Variants in LZTS1 observed in about 807,000 individuals in gnomAD.
LZTS1 encodes the protein leucine zipper tumor suppressor 1, also known as leucine zipper putative tumor suppressor 1.
LZTS1 carries 31 observed loss-of-function variants against 45.8 expected under a neutral mutation model. That is an observed-to-expected ratio of 0.68 (90% CI 0.51 to 0.91). LZTS1 has a LOEUF of 0.91. Ranked by LOEUF, LZTS1 falls within the 40% of genes least tolerant of loss-of-function variation. The probability of loss-of-function intolerance (pLI) is 0.00; values close to 1 mark genes in which losing one functional copy is unlikely to be tolerated. For synonymous variants in LZTS1, 359 were observed against 357.3 expected, an observed-to-expected ratio of 1.00 and a Z score of -0.05; for missense variants, 821 against 788.9, an observed-to-expected ratio of 1.04 and a Z score of -0.49.
intron 1 of LZTS1, among the ~76,000 whole-genome samples, chr8:20,271,413 C>T (rs563211811): frequency 1.3e-5 from 2 of 152,268 alleles, no homozygotes; most frequent in East Asian, 3.9e-4. Flanking sequence ...AGTGTTGACC[C>T]CCAGCTGCCA....
rs995766310 is a variant in LZTS1 at position 20,252,723 on chromosome 8, G to A, written c.1149+59C>T. On this transcript the variant is annotated intron_variant, in intron 3 of 3. Transcript: ENST00000381569. ...GCTATTGGCCGGCACCAGAAGGAGAGGGGGGTACTGGCGCCAAACCGCTGA... is the reference window on the plus strand; with the variant it reads ...GCTATTGGCCGGCACCAGAAGGAGAAGGGGGTACTGGCGCCAAACCGCTGA... The A allele has an allele frequency of 3.4e-5, 48 of 1,420,070 alleles. 1 individual carries two copies. In the South Asian group the frequency reaches 6.4e-4, roughly 19 times the overall value. The allele number at this position is 1,420,070 out of a possible 1,614,324, so 88.0% of individuals were successfully genotyped here. A position where few individuals can be genotyped will look rare whatever the true frequency, so the allele number is the denominator to read the frequency against.
intron 1 of LZTS1, among the ~76,000 whole-genome samples, chr8:20,284,660 G>A (rs1474473070): frequency 1.3e-5 from 2 of 151,936 alleles, no homozygotes; most frequent in East Asian, 1.9e-4. Flanking sequence ...TGTGGTTCTC[G>A]CCTCTGCATT....
Position 20,270,833 on chromosome 8 carries a change from T to G in LZTS1, c.-134-15518A>C, listed in dbSNP as rs200881192. Reference sequence around the variant, plus strand: ...TGTGTGTGTGTGTGTGTGTGTGTGTTTGTGTGTGTGGAGAGGGAAGGGGTG... The same window carrying G: ...TGTGTGTGTGTGTGTGTGTGTGTGTGTGTGTGTGTGGAGAGGGAAGGGGTG... On this transcript the variant is annotated intron_variant, in intron 1 of 3. Transcript: ENST00000381569. Among the ~76,000 whole-genome samples the G allele has an allele frequency of 3.8e-3, 455 of 119,128 alleles. 4 individuals are homozygous for G. The highest frequency in any genetic ancestry group is 9.5e-3 in the South Asian group (34 of 3,578). 78.2% of individuals were successfully genotyped at this position (119,128 alleles called of 152,430 possible).
intron 1 of LZTS1, among the ~76,000 whole-genome samples, chr8:20,256,060 C>CAAAAAAAAAAAAAAAAAAAAAAA (rs386412254): frequency 1.8e-5 from 1 of 56,456 alleles, no homozygotes; most frequent in Non-Finnish European, 3.2e-5. Context: ...GGGCCTGACT[C>CAAAAAAAAAAAAAAAAAAAAAAA]AAAAAAAAAA....
chr8:20,268,573 A>T (rs1003184322), intron 1 of LZTS1, among the ~76,000 whole-genome samples: 2 of 151,978 alleles, frequency 1.3e-5, no homozygotes, highest in Non-Finnish European at 2.9e-5. Flanking sequence ...TGAGCTAGTT[A>T]ATCATCTCAG....
At position 20,246,793 on chromosome 8, in the gene LZTS1, C is replaced by T. The variant is rs569678100; in HGVS notation, c.*2929G>A. ...AGGTGATGCGGAGTGCTGCTCTCTCCTGCAGGCGTCCTTTGGGGACAGAGC... is the reference window on the plus strand; with the variant it reads ...AGGTGATGCGGAGTGCTGCTCTCTCTTGCAGGCGTCCTTTGGGGACAGAGC... On this transcript the variant is annotated 3_prime_UTR_variant, in exon 4 of 4. Transcript: ENST00000381569. 6.6e-6 allele frequency: 1 copy of T among 152,474 alleles called. No homozygotes were observed. Among genetic ancestry groups the T allele is most frequent in the South Asian group, 2.1e-4 (1 of 4,826 alleles). 9.4% of individuals were successfully genotyped at this position (152,474 alleles called of 1,614,324 possible).
chr8:20,251,127 ATATATATATATAT>A (rs1799890939), intron 3 of LZTS1, among the ~76,000 whole-genome samples: 1 of 32,644 alleles, frequency 3.1e-5, no homozygotes, highest in African/African-American at 1.4e-4. Flanking sequence ...ATATATATAT[ATATATATATATAT>A]ATATATATAA....
intron 1 of LZTS1, among the ~76,000 whole-genome samples, chr8:20,299,391 C>T (rs1280750546): frequency 3.9e-5 from 6 of 152,208 alleles, no homozygotes; most frequent in African/African-American, 1.4e-4. Flanking sequence ...ATTTTAATTG[C>T]AAAAACCACA....
At chr8:20,294,796 A>C (rs1800954684) in intron 1 of LZTS1, among the ~76,000 whole-genome samples, 1 of 151,808 alleles carries the variant, frequency 6.6e-6, no homozygotes, top group Non-Finnish European at 1.5e-5. Flanking sequence ...TCTGCTGGGG[A>C]TGACCATGGG....
Position 20,255,182 on chromosome 8 carries a change from G to T in LZTS1, c.-1C>A. 2 of 1,608,932 alleles carry T rather than the reference G, an allele frequency of 1.2e-6. No individual in the cohort carries two copies. Among genetic ancestry groups the T allele is most frequent in the South Asian group, 1.1e-5 (1 of 90,750 alleles). On this transcript the variant is annotated 5_prime_UTR_variant, in exon 2 of 4. Transcript: ENST00000381569. ...AGATGAGGCTACTGACGCTGCCCATGGTGACTCGGGGCTGAGGATGGGGCA... is the reference window on the plus strand; with the variant it reads ...AGATGAGGCTACTGACGCTGCCCATTGTGACTCGGGGCTGAGGATGGGGCA...
At chr8:20,289,938 G>C (rs1800870712) in intron 1 of LZTS1, 1 of 152,294 alleles carries the variant, frequency 6.6e-6, no homozygotes, top group South Asian at 2.1e-4. Flanking sequence ...GTAATTTCGA[G>C]AGGGAGGGCC....
At chr8:20,270,578 C>T (rs1800451719) in intron 1 of LZTS1, among the ~76,000 whole-genome samples, 1 of 152,134 alleles carries the variant, frequency 6.6e-6, no homozygotes, top group Non-Finnish European at 1.5e-5. Context: ...GGAAAGCCCT[C>T]TGCCACCTCT....
At chr8:20,294,406 C>A (rs1049089543) in intron 1 of LZTS1, among the ~76,000 whole-genome samples, 1 of 152,190 alleles carries the variant, frequency 6.6e-6, no homozygotes, top group Non-Finnish European at 1.5e-5. Context: ...GGGCCAGCTG[C>A]GGGCCTGGCA....
chr8:20,294,259 T>C (rs1409624041), intron 1 of LZTS1, among the ~76,000 whole-genome samples: 1 of 152,172 alleles, frequency 6.6e-6, no homozygotes, highest in Non-Finnish European at 1.5e-5. Flanking sequence ...ATGTCCGAGG[T>C]ACTGGTGGAA....
intron 1 of LZTS1, among the ~76,000 whole-genome samples, chr8:20,278,207 CA>C (rs956636458): frequency 3.3e-5 from 5 of 152,134 alleles, no homozygotes; most frequent in African/African-American, 9.7e-5. Context: ...AAGATCTCAG[CA>C]GTTGGGTGTG....
intron 3 of LZTS1, among the ~76,000 whole-genome samples, chr8:20,250,852 G>A (rs1232385497): frequency 3.3e-5 from 5 of 151,894 alleles, no homozygotes; most frequent in African/African-American, 4.8e-5. Flanking sequence ...GCCTGCCTCT[G>A]CCTCCCAAAG....
At chr8:20,298,244 TAG>T (rs947116984) in intron 1 of LZTS1, among the ~76,000 whole-genome samples, 27 of 152,056 alleles carry the variant, frequency 1.8e-4, no homozygotes, top group African/African-American at 6.0e-4. Flanking sequence ...GTAGTTTTAG[TAG>T]AGACAGGGCT....
At chr8:20,275,952 A>G (rs1585294192) in intron 1 of LZTS1, 1 of 152,314 alleles carries the variant, frequency 6.6e-6, no homozygotes, top group East Asian at 1.9e-4. Context: ...GGTAGAAGAA[A>G]TGGTGTAGCC....
chr8:20,270,799 CTG>C (rs1281545019), intron 1 of LZTS1, among the ~76,000 whole-genome samples: 2,953 of 122,980 alleles, frequency 0.024, 115 homozygotes, highest in African/African-American at 0.081. Flanking sequence ...AGTGTGTCCT[CTG>C]TGTGTGTGTG....
Sources: allele counts gnomAD v4.1 joint callset (sites outside exome capture counted in the v4.1 genomes callset), GRCh38; gene constraint gnomAD v4.1.1; transcripts MANE v1.5; gene names NCBI Gene and HGNC (gene_info 2026-07-23, HGNC 2026-07-21).